SMCHD1: variants seen among roughly 807,000 people sequenced by gnomAD.
SMCHD1 encodes structural maintenance of chromosomes flexible hinge domain containing 1.
A neutral mutation model predicts 254.7 loss-of-function variants in SMCHD1; 78 were observed. That is an observed-to-expected ratio of 0.31 (90% confidence interval 0.26 to 0.37). SMCHD1 has a LOEUF of 0.37. Ranked by LOEUF, SMCHD1 falls within the 10% of genes least tolerant of loss-of-function variation. The probability of loss-of-function intolerance (pLI) is 1.00; values close to 1 mark genes in which losing one functional copy is unlikely to be tolerated. For missense variants in SMCHD1, 1,840 were observed against 2,408.1 expected (o/e 0.76, Z 4.94); for synonymous variants, 766 against 794.9 (o/e 0.96, Z 0.61).
intron 22 of SMCHD1, among the ~76,000 whole-genome samples, chr18:2,727,643 A>G (rs2075051254): frequency 6.6e-6 from 1 of 152,044 alleles, no homozygotes; most frequent in Non-Finnish European, 1.5e-5. Flanking sequence ...TAGCCTTGTG[A>G]CCTGGACAAA....
At chr18:2,663,816 G>A (rs897474844) in intron 1 of SMCHD1, among the ~76,000 whole-genome samples, 4 of 151,922 alleles carry the variant, frequency 2.6e-5, no homozygotes, top group Non-Finnish European at 4.4e-5. Flanking sequence ...CCGGGTTCAC[G>A]CCATTCTCCT....
intron 5 of SMCHD1, among the ~76,000 whole-genome samples, chr18:2,677,899 G>A (rs1204223086): frequency 2.0e-5 from 3 of 152,136 alleles, no homozygotes; most frequent in African/African-American, 4.8e-5. Context: ...GATTACAGAA[G>A]TGAGCCACCG....
At chr18:2,671,759 C>T (rs925916530) in intron 3 of SMCHD1, among the ~76,000 whole-genome samples, 4 of 151,310 alleles carry the variant, frequency 2.6e-5, no homozygotes, top group African/African-American at 2.4e-5. Flanking sequence ...GCACGCCTGG[C>T]GAATTTTTTT....
At chr18:2,774,396 A>G (rs966087869) in intron 41 of SMCHD1, among the ~76,000 whole-genome samples, 1 of 151,934 alleles carries the variant, frequency 6.6e-6, no homozygotes, top group Non-Finnish European at 1.5e-5. Flanking sequence ...ATAAGGGTAG[A>G]TGTTAGGATG....
intron 1 of SMCHD1, among the ~76,000 whole-genome samples, chr18:2,662,966 C>A (rs1350386466): frequency 6.6e-6 from 1 of 152,116 alleles, no homozygotes; most frequent in Non-Finnish European, 1.5e-5. Flanking sequence ...ACCTATTTCT[C>A]TGTACAGAGG....
At chr18:2,768,855 T>C (rs1451814775) in intron 37 of SMCHD1, among the ~76,000 whole-genome samples, 1 of 149,478 alleles carries the variant, frequency 6.7e-6, no homozygotes, top group Non-Finnish European at 1.5e-5. Context: ...TATGTAAGTC[T>C]GTTGAAAACC....
In SMCHD1 at chr18:2,765,120, T is replaced by C. The variant is rs1016384183; in HGVS notation, c.4719+1331T>C. On this transcript the variant is annotated intron_variant, in intron 37 of 47. Coordinates refer to ENST00000320876, the MANE Select transcript of SMCHD1 (RefSeq NM_015295.3). ...AAGATTGTTTACCGACCATTTCTTT[T>C]AGAATTTTCATTTTTTTCTTAAAAA... Among the ~76,000 whole-genome samples, 50 of 152,234 alleles carry C rather than the reference T, an allele frequency of 3.3e-4. 3 individuals carry two copies.
intron 25 of SMCHD1, among the ~76,000 whole-genome samples, chr18:2,738,137 T>C (rs1180055049): frequency 6.6e-6 from 1 of 152,216 alleles, no homozygotes; most frequent in Non-Finnish European, 1.5e-5. Flanking sequence ...AGTGATACTT[T>C]TGTGGCAGAG....
chr18:2,709,671 T>C (rs1480435628), intron 17 of SMCHD1, among the ~76,000 whole-genome samples: 2 of 152,212 alleles, frequency 1.3e-5, no homozygotes, highest in African/African-American at 4.8e-5. Context: ...TATTCAGTGA[T>C]TTTGGCCATC....
chr18:2,673,017 A>G, intron 3 of SMCHD1: 1 of 961,488 alleles, frequency 1.0e-6, no homozygotes, highest in Non-Finnish European at 1.2e-6. Flanking sequence ...CTGTCTTTAG[A>G]TTATAAACTC....
At chr18:2,772,550 A>G (rs188225917) in intron 41 of SMCHD1, among the ~76,000 whole-genome samples, 178 bp downstream of exon 41, 1 of 152,338 alleles carries the variant, frequency 6.6e-6, no homozygotes, top group East Asian at 1.9e-4. Context: ...TGAAATCTGT[A>G]ATGTTACTAT....
intron 44 of SMCHD1, among the ~76,000 whole-genome samples, chr18:2,780,805 A>G (rs748372737): frequency 8.5e-5 from 13 of 152,206 alleles, no homozygotes; most frequent in Non-Finnish European, 1.8e-4. Context: ...CCTGGCTTTC[A>G]TGACCCAGTA....
At chr18:2,657,133 AAAG>A in intron 1 of SMCHD1, among the ~76,000 whole-genome samples, 1 of 152,340 alleles carries the variant, frequency 6.6e-6, no homozygotes, top group African/African-American at 2.4e-5. Flanking sequence ...CAAGGGAAAA[AAAG>A]AACTTTGAAG....
At position 2,675,493 on chromosome 18, in the gene SMCHD1, G is replaced by A. The variant is rs553163157; in HGVS notation, c.638+1348G>A. On this transcript the variant is annotated intron_variant, in intron 5 of 47. Transcript: ENST00000320876. ...TTGGCCAGTCTGGTCTCGAACTCCTGACCTGGTGATCCGCCCTCCTCAGCC... is the reference window on the plus strand; with the variant it reads ...TTGGCCAGTCTGGTCTCGAACTCCTAACCTGGTGATCCGCCCTCCTCAGCC... 3.9e-5 allele frequency among the ~76,000 whole-genome samples: 6 copies of A among 152,216 alleles called. No homozygotes were observed. In the South Asian group the frequency reaches 1.2e-3, roughly 32 times the overall value.
At chr18:2,771,750 G>C in intron 40 of SMCHD1, 132 bp downstream of exon 40, 1 of 645,962 alleles carries the variant, frequency 1.5e-6, no homozygotes, top group East Asian at 3.3e-5. Context: ...ATCGTCACTA[G>C]ACATTAAAAA....
intron 34 of SMCHD1, among the ~76,000 whole-genome samples, chr18:2,753,899 T>A (rs2143639847): frequency 6.6e-6 from 1 of 152,250 alleles, no homozygotes; most frequent in Non-Finnish European, 1.5e-5. Flanking sequence ...TGTAATCTTC[T>A]GGTGGACATG....
At position 2,729,268 on chromosome 18, in the gene SMCHD1, C is replaced by A; in HGVS notation, c.2914-7C>A. 1 of 1,450,832 alleles carries A rather than the reference C, an allele frequency of 6.9e-7. No homozygotes were observed. The highest frequency in any genetic ancestry group is 1.8e-4 in the Middle Eastern group (1 of 5,470). The allele number at this position is 1,450,832 out of a possible 1,614,324, so 89.9% of individuals were successfully genotyped here. A position where few individuals can be genotyped will look rare whatever the true frequency, so the allele number is the denominator to read the frequency against. Reference sequence around the variant, plus strand: ...GGGTCTTACATTATTTTTCATCTTTCAAATAGTTTTCAGGTGCTCCAAACC... The same window carrying A: ...GGGTCTTACATTATTTTTCATCTTTAAAATAGTTTTCAGGTGCTCCAAACC... On this transcript the variant is annotated splice_polypyrimidine_tract_variant and splice_region_variant and intron_variant, in intron 23 of 47. Transcript: ENST00000320876.
intron 28 of SMCHD1, among the ~76,000 whole-genome samples, chr18:2,742,869 G>T (rs1214587749): frequency 1.3e-5 from 2 of 151,998 alleles, no homozygotes; most frequent in South Asian, 2.1e-4. Flanking sequence ...TAGAGACGGG[G>T]TCTTACTGTG....
chr18:2,675,481 T>C (rs2073725059), intron 5 of SMCHD1, among the ~76,000 whole-genome samples: 1 of 152,110 alleles, frequency 6.6e-6, no homozygotes, highest in African/African-American at 2.4e-5. Flanking sequence ...GCCAGTCTGG[T>C]CTCGAACTCC....
Sources: gnomAD v4.1 joint callset for allele counts (sites outside exome capture counted in the v4.1 genomes callset) on GRCh38, gnomAD v4.1.1 for gene constraint, MANE v1.5 for transcripts, NCBI Gene and HGNC (gene_info 2026-07-23, HGNC 2026-07-21) for gene names.